Variants in IL1RAPL1 observed in about 807,000 individuals in gnomAD.
The protein encoded by IL1RAPL1 is interleukin-1 receptor accessory protein-like 1.
A neutral mutation model predicts 48.4 loss-of-function variants in IL1RAPL1; 3 were observed. That is an observed-to-expected ratio of 0.06 (90% CI 0.03 to 0.16). The LOEUF (loss-of-function observed/expected upper bound fraction) is 0.16, where lower values mean the gene tolerates loss of function less well. Ranked by LOEUF, IL1RAPL1 falls within the 10% of genes least tolerant of loss-of-function variation. The pLI, the probability that IL1RAPL1 is intolerant of heterozygous loss-of-function variation, is 1.00. For missense variants in IL1RAPL1, 349 were observed against 530.6 expected, an observed-to-expected ratio of 0.66 and a Z score of 3.36; for synonymous variants, 185 against 187.7, an observed-to-expected ratio of 0.99 and a Z score of 0.12.
At chrX:29,374,046 G>A (rs185782787) in intron 3 of IL1RAPL1, among the ~76,000 whole-genome samples, 20 of 105,051 alleles carry the variant, frequency 1.9e-4, no homozygotes, top group African/African-American at 6.2e-4. Context: ...GTAGTATTTT[G>A]TTGAGAATTT....
intron 6 of IL1RAPL1, among the ~76,000 whole-genome samples, chrX:29,754,625 T>C (rs1241936158): frequency 8.9e-6 from 1 of 112,358 alleles, no homozygotes; most frequent in Non-Finnish European, 1.9e-5. Flanking sequence ...TGTGGTCATA[T>C]GTTGAGCCTC....
At chrX:29,520,096 A>G (rs895305586) in intron 5 of IL1RAPL1, among the ~76,000 whole-genome samples, 15 of 112,248 alleles carry the variant, frequency 1.3e-4, no homozygotes, top group African/African-American at 4.9e-4. Context: ...AGCAGTCTCA[A>G]TAAGTATTTG....
intron 3 of IL1RAPL1, among the ~76,000 whole-genome samples, chrX:29,311,135 T>G (rs962506764): frequency 1.8e-5 from 2 of 112,103 alleles, no homozygotes; most frequent in Admixed American, 1.9e-4. Context: ...TTCCATGAGC[T>G]AGTTATATAA....
intron 1 of IL1RAPL1, among the ~76,000 whole-genome samples, chrX:28,667,782 G>C (rs1934897986): frequency 8.9e-6 from 1 of 111,888 alleles, no homozygotes; most frequent in Admixed American, 9.5e-5. Context: ...CCCTCTTCTT[G>C]TCTGCAGAAT....
intron 5 of IL1RAPL1, among the ~76,000 whole-genome samples, chrX:29,515,867 G>A (rs1935440102): frequency 9.0e-6 from 1 of 111,039 alleles, no homozygotes; most frequent in African/African-American, 3.3e-5. Flanking sequence ...TTGTATTTTT[G>A]TAGAGATAGG....
chrX:29,320,123 C>T (rs1055931936), intron 3 of IL1RAPL1, among the ~76,000 whole-genome samples: 5 of 109,957 alleles, frequency 4.5e-5, no homozygotes, highest in South Asian at 7.4e-4. Context: ...TAAATAAATG[C>T]GTTGATTTTT....
At chrX:29,652,164 A>T (rs988017227) in intron 5 of IL1RAPL1, among the ~76,000 whole-genome samples, 4 of 112,098 alleles carry the variant, frequency 3.6e-5, no homozygotes, top group African/African-American at 1.3e-4. Flanking sequence ...AAATCAAAAA[A>T]TTTTTTTGGA....
At chrX:28,677,833 C>T (rs1935015609) in intron 1 of IL1RAPL1, among the ~76,000 whole-genome samples, 1 of 111,325 alleles carries the variant, frequency 9.0e-6, no homozygotes, top group African/African-American at 3.3e-5. Context: ...GGTGATCTGC[C>T]TCTCTTAGCC....
chrX:29,704,620 G>A (rs1927142753), intron 6 of IL1RAPL1, among the ~76,000 whole-genome samples: 1 of 111,330 alleles, frequency 9.0e-6, no homozygotes, highest in Non-Finnish European at 1.9e-5. Flanking sequence ...AGTGAGCCGA[G>A]ATGGCGCCAC....
chrX:29,627,572 G>A (rs941358279), intron 5 of IL1RAPL1, among the ~76,000 whole-genome samples: 15 of 111,564 alleles, frequency 1.3e-4, no homozygotes, highest in African/African-American at 4.6e-4. Flanking sequence ...AGAAAATTTC[G>A]TCTCACGTAT....
At chrX:29,690,201 G>A (rs749185929) in intron 6 of IL1RAPL1, among the ~76,000 whole-genome samples, 1 of 111,712 alleles carries the variant, frequency 9.0e-6, no homozygotes, top group East Asian at 2.8e-4. Flanking sequence ...GTAAAGAGGA[G>A]CAACATTTGT....
At chrX:29,117,036 G>A (rs1207427064) in intron 2 of IL1RAPL1, among the ~76,000 whole-genome samples, 1 of 111,611 alleles carries the variant, frequency 9.0e-6, no homozygotes, top group Non-Finnish European at 1.9e-5. Flanking sequence ...AGTGTCAAAC[G>A]ATGCAGAAGC....
chrX:29,152,580 A>C (rs1174283394), intron 2 of IL1RAPL1, among the ~76,000 whole-genome samples: 2 of 112,196 alleles, frequency 1.8e-5, no homozygotes, highest in Admixed American at 9.5e-5. Context: ...TCTAAATATA[A>C]TAGAGGCCTA....
chrX:29,855,356 G>T (rs1458171178), intron 6 of IL1RAPL1, among the ~76,000 whole-genome samples: 1 of 112,186 alleles, frequency 8.9e-6, no homozygotes, highest in Admixed American at 9.4e-5. Flanking sequence ...ATATGCGCAT[G>T]CGTGCACACA....
chrX:29,507,358 CTTCT>C, intron 5 of IL1RAPL1, among the ~76,000 whole-genome samples: 1 of 11,245 alleles, frequency 8.9e-5, no homozygotes, highest in Non-Finnish European at 1.9e-4. Flanking sequence ...CTTCCCTCCC[CTTCT>C]CTCCCCTCCC....
intron 5 of IL1RAPL1, among the ~76,000 whole-genome samples, chrX:29,668,153 A>C (rs1926049028): frequency 8.9e-6 from 1 of 112,174 alleles, no homozygotes; most frequent in African/African-American, 3.2e-5. Context: ...TCTGAAACAC[A>C]GTTATATGTT....
intron 5 of IL1RAPL1, among the ~76,000 whole-genome samples, chrX:29,538,353 TTTG>T (rs1921311363): frequency 9.7e-6 from 1 of 103,410 alleles, no homozygotes. Context: ...TTTTTTTTTT[TTTG>T]GAGACGGAAT....
At chrX:29,133,493 T>C (rs1409131058) in intron 2 of IL1RAPL1, among the ~76,000 whole-genome samples, 1 of 109,092 alleles carries the variant, frequency 9.2e-6, no homozygotes, top group Non-Finnish European at 1.9e-5. Context: ...ATGCTTTAGG[T>C]TTTTTTTTGG....
chrX:29,387,688 A>G (rs977678936), intron 3 of IL1RAPL1, among the ~76,000 whole-genome samples: 2 of 112,064 alleles, frequency 1.8e-5, no homozygotes, highest in Admixed American at 9.5e-5. Flanking sequence ...CGTATATGCT[A>G]TCAAGGAATA....
Sources: allele counts gnomAD v4.1 joint callset (sites outside exome capture counted in the v4.1 genomes callset), GRCh38; gene constraint gnomAD v4.1.1; transcripts MANE v1.5; gene names NCBI Gene and HGNC (gene_info 2026-07-23, HGNC 2026-07-21).